HMGXB3: variants seen among roughly 807,000 people sequenced by gnomAD.
The protein encoded by HMGXB3 is HMG domain-containing protein 3.
Under a neutral mutation model 121.5 loss-of-function variants are expected in HMGXB3, and 45 were observed. That is an observed-to-expected ratio of 0.37 (90% confidence interval 0.29 to 0.47). The LOEUF (loss-of-function observed/expected upper bound fraction) is 0.47, where lower values mean the gene tolerates loss of function less well. HMGXB3 is among the 20% of genes least tolerant of loss of function. HMGXB3 has a pLI of 0.99. For missense variants in HMGXB3, 1,376 were observed against 1,602.2 expected (o/e 0.86, Z 2.41); for synonymous variants, 590 against 624.1 (o/e 0.95, Z 0.81).
At chr5:150,047,943 G>T (rs1756798639) in intron 17 of HMGXB3, among the ~76,000 whole-genome samples, 186 bp downstream of exon 17, 1 of 152,244 alleles carries the variant, frequency 6.6e-6, no homozygotes. Flanking sequence ...GCCTCTAACA[G>T]TTCCTCCTGT....
Position 150,030,793 on chromosome 5 carries a change from A to G in HMGXB3, c.1787A>G (p.Lys596Arg), listed in dbSNP as rs1048640098. Residue 596 changes from lysine (K) to arginine (R), a missense_variant, in exon 10 of 20, where the codon AAG (lysine) becomes AGG (arginine). By Grantham distance (26) the Lys-to-Arg change is conservative. This residue lies in a region of HMGXB3 where 1,116 missense variants were observed against 1,369.0 expected (regional missense o/e 0.82). Coordinates refer to ENST00000502717, the MANE Select transcript of HMGXB3 (RefSeq NM_014983.3). ...TCTCAGGTGAAAGTTGTGGAGGTCA[A>G]GCCCGATATGTTTCCTCCATATAAG... is the stretch of plus-strand genomic sequence containing the variant. Reference protein sequence around the residue: ...RTSQVKVVEVKPDMFPPYKYS... With the variant: ...RTSQVKVVEVRPDMFPPYKYS... The G allele has an allele frequency of 2.6e-6, 4 of 1,552,262 alleles. No homozygotes were observed. Among genetic ancestry groups the G allele is most frequent in the Non-Finnish European group, 3.5e-6 (4 of 1,147,080 alleles).
chr5:150,001,800 C>T (rs1755576742), intron 1 of HMGXB3, among the ~76,000 whole-genome samples: 1 of 152,218 alleles, frequency 6.6e-6, no homozygotes, highest in African/African-American at 2.4e-5. Flanking sequence ...CCCAAGGTGG[C>T]TGTAATGAGT....
rs1404612576 is a variant in HMGXB3 at position 150,052,985 on chromosome 5, G to A, written c.*793G>A. ...CCTTCTATGAAGGGGAAGCAGACTGGGCCATAAGGAAACAGCAGGACTGGC... is the reference window on the plus strand; with the variant it reads ...CCTTCTATGAAGGGGAAGCAGACTGAGCCATAAGGAAACAGCAGGACTGGC... On this transcript the variant is annotated 3_prime_UTR_variant, in exon 20 of 20. Transcript: ENST00000502717. 1.9e-5 allele frequency: 3 copies of A among 159,064 alleles called. No individual in the cohort carries two copies. The highest frequency in any genetic ancestry group is 3.0e-4 in the East Asian group (2 of 6,724). 9.9% of individuals were successfully genotyped at this position (159,064 alleles called of 1,614,324 possible).
At chr5:150,045,957 T>C (rs1581266927) in intron 16 of HMGXB3, among the ~76,000 whole-genome samples, 1 of 152,250 alleles carries the variant, frequency 6.6e-6, no homozygotes, top group Middle Eastern at 3.4e-3. Context: ...AGAACTCCTA[T>C]AAAAAATGCT....
intron 15 of HMGXB3, 83 bp from the exon 16 acceptor site, chr5:150,045,383 T>C: frequency 8.6e-7 from 1 of 1,161,208 alleles, no homozygotes; most frequent in Non-Finnish European, 1.3e-6. Context: ...GGCTTCCCTG[T>C]GTGTATAATG....
chr5:150,018,636 G>A lies in HMGXB3; in HGVS notation c.980G>A (p.Arg327Lys), dbSNP rs889930680. The change falls in exon 6 of 20, where the codon AGG (arginine) becomes AAG (lysine). Residue 327 changes from arginine (R) to lysine (K), a missense_variant. Transcript: ENST00000502717. ...GGGTGCTCCTTTACATATGTCACCA[G>A]GCACAAGCCACCTAAGTGCCCTACC... Reference protein sequence around the residue: ...SPGCSFTYVTRHKPPKCPTCG... With the variant: ...SPGCSFTYVTKHKPPKCPTCG... 9.0e-6 allele frequency: 14 copies of A among 1,551,122 alleles called. No individual in the cohort carries two copies. Among genetic ancestry groups the A allele is most frequent in the Non-Finnish European group, 1.1e-5 (13 of 1,146,804 alleles).
intron 10 of HMGXB3, among the ~76,000 whole-genome samples, chr5:150,031,268 A>G (rs1312628332): frequency 6.6e-6 from 1 of 152,250 alleles, no homozygotes; most frequent in African/African-American, 2.4e-5. Context: ...ACTTTAGTAA[A>G]GCAGCTTATT....
At chr5:150,043,621 A>G (rs1441501791) in intron 15 of HMGXB3, among the ~76,000 whole-genome samples, 2 of 152,244 alleles carry the variant, frequency 1.3e-5, no homozygotes, top group Non-Finnish European at 2.9e-5. Context: ...TTCCAGATTG[A>G]TTCAAATCCG....
At chr5:150,014,381 C>T (rs879797405) in intron 5 of HMGXB3, among the ~76,000 whole-genome samples, 24 of 152,302 alleles carry the variant, frequency 1.6e-4, no homozygotes, top group Admixed American at 5.9e-4. Context: ...GAATTCTTTA[C>T]GTTTGCTATT....
Position 150,040,736 on chromosome 5 carries a change from C to T in HMGXB3, c.2414-12C>T. 1 of 1,548,960 alleles carries T rather than the reference C, an allele frequency of 6.5e-7. No individual in the cohort carries two copies. Among genetic ancestry groups the T allele is most frequent in the Non-Finnish European group, 8.7e-7 (1 of 1,146,138 alleles). ...TACATTAATTTCCTTGTTGCCTCTT[C>T]TTAACCTGCAGGTCTCTTTAATGTG... On this transcript the variant is annotated splice_polypyrimidine_tract_variant and intron_variant, in intron 13 of 19. Coordinates refer to ENST00000502717, the MANE Select transcript of HMGXB3 (RefSeq NM_014983.3).
intron 11 of HMGXB3, among the ~76,000 whole-genome samples, chr5:150,036,185 T>A (rs535052980): frequency 1.3e-5 from 2 of 152,316 alleles, no homozygotes; most frequent in African/African-American, 4.8e-5. Context: ...GTTGAATCCA[T>A]TACCAAGAGT....
intron 16 of HMGXB3, among the ~76,000 whole-genome samples, chr5:150,047,029 C>T (rs1756773458): frequency 6.6e-6 from 1 of 151,342 alleles, no homozygotes; most frequent in Non-Finnish European, 1.5e-5. Flanking sequence ...AGACTATAGG[C>T]GCACGCCACC....
At chr5:150,002,523 T>G (rs1311205001) in intron 1 of HMGXB3, among the ~76,000 whole-genome samples, 1 of 152,218 alleles carries the variant, frequency 6.6e-6, no homozygotes, top group Non-Finnish European at 1.5e-5. Context: ...CAACTGCCTC[T>G]TCCCAGAATT....
At position 150,051,830 on chromosome 5, in the gene HMGXB3, G is replaced by A. The variant is rs1331509422; in HGVS notation, c.3517G>A (p.Val1173Ile). The change falls in exon 20 of 20, where the codon GTC becomes ATC. Residue 1173 changes from valine (V) to isoleucine (I), a missense_variant. Physicochemically the swap from Val to Ile is conservative, Grantham distance 29. This residue lies in a region of HMGXB3 where 260 missense variants were observed against 233.2 expected (regional missense o/e 1.11). Transcript: ENST00000502717. ...CACCAAGACTGCCACGCGGCGCATCGTCCATGCAGGCCTACAGCCCAATCC... is the reference window on the plus strand; with the variant it reads ...CACCAAGACTGCCACGCGGCGCATCATCCATGCAGGCCTACAGCCCAATCC... ...PVTKTATRRI[V>I]HAGLQPNPGD... 17 of 1,549,826 alleles carry A rather than the reference G, an allele frequency of 1.1e-5. No homozygotes were observed. The highest frequency in any genetic ancestry group is 4.9e-5 in the East Asian group (2 of 40,936).
At chr5:150,002,427 C>T (rs1448058459) in intron 1 of HMGXB3, among the ~76,000 whole-genome samples, 1 of 152,174 alleles carries the variant, frequency 6.6e-6, no homozygotes, top group Non-Finnish European at 1.5e-5. Flanking sequence ...ACATGCAGTG[C>T]TCATTATACC....
intron 11 of HMGXB3, among the ~76,000 whole-genome samples, chr5:150,033,187 G>T (rs1756421215): frequency 6.6e-6 from 1 of 152,116 alleles, no homozygotes; most frequent in Non-Finnish European, 1.5e-5. Context: ...ATTTTCAGAG[G>T]TCCCCAGAAT....
intron 1 of HMGXB3, among the ~76,000 whole-genome samples, chr5:150,004,642 T>C (rs546208735): frequency 1.3e-5 from 2 of 152,284 alleles, no homozygotes; most frequent in East Asian, 3.9e-4. Flanking sequence ...TTCCATACCC[T>C]CGGGAGATTC....
In HMGXB3 at chr5:150,052,230, C is replaced by T. The variant is rs1193697269; in HGVS notation, c.*38C>T. On this transcript the variant is annotated 3_prime_UTR_variant, in exon 20 of 20. Transcript: ENST00000502717. ...TACAGGGACTACACCATCTCTCAAG[C>T]CATAGTAAGGCCCTTGCCTGAGGCA... 6.2e-6 allele frequency: 9 copies of T among 1,456,044 alleles called. No homozygotes were observed. The highest frequency in any genetic ancestry group is 2.2e-4 in the Middle Eastern group (1 of 4,486). The allele number at this position is 1,456,044 out of a possible 1,614,324, so 90.2% of individuals were successfully genotyped here.
chr5:150,025,577 T>G (rs1354083014), intron 7 of HMGXB3, among the ~76,000 whole-genome samples: 1 of 152,160 alleles, frequency 6.6e-6, no homozygotes, highest in Non-Finnish European at 1.5e-5. Context: ...ATGTTTATTT[T>G]TATTGTTTGA....
Sources: gnomAD v4.1 joint callset for allele counts (sites outside exome capture counted in the v4.1 genomes callset) on GRCh38, gnomAD v4.1.1 for gene constraint, gnomAD v4.1.1 regional missense constraint, MANE v1.5 for transcripts, NCBI Gene and HGNC (gene_info 2026-07-23, HGNC 2026-07-21) for gene names.